MTMR3: variants seen among roughly 807,000 people sequenced by gnomAD.
The protein encoded by MTMR3 is phosphatidylinositol-3,5-bisphosphate 3-phosphatase MTMR3.
MTMR3 carries 32 observed loss-of-function variants against 132.4 expected under a neutral mutation model. That is an observed-to-expected ratio of 0.24 (90% CI 0.18 to 0.32). MTMR3 has a LOEUF of 0.32. MTMR3 is among the 10% of genes least tolerant of loss of function. MTMR3 has a pLI of 1.00. For synonymous variants in MTMR3, 556 were observed against 550.3 expected (o/e 1.01, Z -0.14); for missense variants, 1,216 against 1,489.6 (o/e 0.82, Z 3.02).
chr22:29,906,176 A>C (rs1202950757), intron 1 of MTMR3, among the ~76,000 whole-genome samples: 1 of 152,096 alleles, frequency 6.6e-6, no homozygotes, highest in Non-Finnish European at 1.5e-5. Context: ...TCATAGGAAA[A>C]ACTTTGGTGT....
At chr22:29,954,344 C>T (rs2066147164) in intron 1 of MTMR3, among the ~76,000 whole-genome samples, 1 of 151,978 alleles carries the variant, frequency 6.6e-6, no homozygotes, top group African/African-American at 2.4e-5. Context: ...CCCACTTCGG[C>T]CTCCCAGAGT....
Position 29,978,963 on chromosome 22 carries a change from A to G in MTMR3, c.121A>G (p.Ser41Gly). The change falls in exon 5 of 20, where the codon AGC (serine) becomes GGC (glycine). Residue 41 changes from serine to glycine, a missense_variant. Physicochemically the swap from Ser to Gly is moderately conservative, Grantham distance 56. Around this residue, in one of 7 missense-constraint regions of MTMR3, gnomAD observed 81 missense variants for 87.7 expected, o/e 0.92. Transcript: ENST00000401950. ...QVPFLELHGE[S>G]TEFVGRAEDA... The stretch of plus-strand genomic sequence containing the variant: ...TCCTTTCCTTGAACTTCATGGAGAG[A>G]GCACAGAGTTTGTGGGCCGTGCCGA... The G allele has an allele frequency of 6.2e-7, 1 of 1,613,610 alleles. No individual in the cohort carries two copies. The highest frequency in any genetic ancestry group is 8.5e-7 in the Non-Finnish European group (1 of 1,179,830).
At chr22:29,977,492 T>A (rs937931614) in intron 3 of MTMR3, among the ~76,000 whole-genome samples, 13 of 152,366 alleles carry the variant, frequency 8.5e-5, no homozygotes, top group African/African-American at 3.1e-4. Flanking sequence ...GAAATCTATT[T>A]TGTAATATAA....
chr22:29,951,334 C>T (rs2066075887), intron 1 of MTMR3, among the ~76,000 whole-genome samples: 1 of 152,086 alleles, frequency 6.6e-6, no homozygotes, highest in African/African-American at 2.4e-5. Flanking sequence ...TATTCCCCTA[C>T]CCCCTATCTC....
At chr22:29,952,400 G>A (rs1489377415) in intron 1 of MTMR3, among the ~76,000 whole-genome samples, 2 of 121,112 alleles carry the variant, frequency 1.7e-5, no homozygotes, top group Admixed American at 1.6e-4. Context: ...AGCTTCTGGT[G>A]TGTGTGTGTG....
In MTMR3 at chr22:30,019,435, A is replaced by G. The variant is rs760769596; in HGVS notation, c.1821-45A>G. 3.9e-6 allele frequency: 6 copies of G among 1,544,134 alleles called. No homozygotes were observed. The South Asian group carries it at 4.7e-5, about 12-fold the overall frequency. ...AACCTATTGTCTCCTACTTCCTCCA[A>G]ACAGTTTCCAAGATTTTCATTTCCC... On this transcript the variant is annotated intron_variant, in intron 16 of 19. Transcript: ENST00000401950.
At position 30,025,911 on chromosome 22, in the gene MTMR3, C is replaced by G; in HGVS notation, c.*110C>G. 1 of 1,149,984 alleles carries G rather than the reference C, an allele frequency of 8.7e-7. No homozygotes were observed. Among genetic ancestry groups the G allele is most frequent in the Non-Finnish European group, 1.3e-6 (1 of 787,432 alleles). The allele number at this position is 1,149,984 out of a possible 1,614,324, so 71.2% of individuals were successfully genotyped here. Reference sequence around the variant, plus strand: ...ACTTTGGAATGGGAGCGTGGAACCACCTGTACAGAGTGACAGATTTGGGAT... The same window carrying G: ...ACTTTGGAATGGGAGCGTGGAACCAGCTGTACAGAGTGACAGATTTGGGAT... On this transcript the variant is annotated 3_prime_UTR_variant, in exon 20 of 20. Transcript: ENST00000401950.
intron 1 of MTMR3, among the ~76,000 whole-genome samples, chr22:29,922,995 C>T (rs2145773653): frequency 6.6e-6 from 1 of 151,256 alleles, no homozygotes; most frequent in Admixed American, 6.6e-5. Context: ...CCACCTTAGC[C>T]TCCAGAGTGG....
intron 16 of MTMR3, chr22:30,019,050 CAAA>C (rs1190694084): frequency 1.3e-5 from 2 of 156,442 alleles, no homozygotes; most frequent in African/African-American, 4.9e-5. Context: ...ACTAAAAATA[CAAA>C]AAAACTAGCC....
chr22:29,966,309 G>A (rs546266646), intron 2 of MTMR3, among the ~76,000 whole-genome samples: 1 of 152,224 alleles, frequency 6.6e-6, no homozygotes, highest in South Asian at 2.1e-4. Flanking sequence ...TTAGTATGTG[G>A]TCAGATTTCC....
At chr22:29,916,835 A>C (rs995165251) in intron 1 of MTMR3, among the ~76,000 whole-genome samples, 5 of 152,154 alleles carry the variant, frequency 3.3e-5, no homozygotes, top group African/African-American at 1.2e-4. Context: ...TAAATAAATA[A>C]ATGTTTAGCC....
chr22:30,009,232 A>G (rs780794613), intron 12 of MTMR3, 103 bp downstream of exon 12: 4 of 800,320 alleles, frequency 5.0e-6, no homozygotes, highest in Admixed American at 4.7e-5. Context: ...ATTAATTTGG[A>G]GCAGTCTTTC....
intron 12 of MTMR3, chr22:30,011,375 G>A (rs41159): frequency 0.65 from 98,231 of 151,718 alleles, 32,693 homozygotes; most frequent in African/African-American, 0.79. Context: ...CTGATACTCC[G>A]AAAGTGAGAT....
chr22:29,884,922 G>A (rs183055173), intron 1 of MTMR3, among the ~76,000 whole-genome samples: 26 of 152,210 alleles, frequency 1.7e-4, no homozygotes, highest in African/African-American at 5.8e-4. Context: ...TAAATTTGGA[G>A]GATTCTAGAA....
intron 12 of MTMR3, chr22:30,011,945 CTTTTTTTTTT>C (rs1014085867): frequency 9.2e-5 from 14 of 151,594 alleles, no homozygotes; most frequent in South Asian, 4.0e-4. Context: ...CTTTTCTTTT[CTTTTTTTTTT>C]GAGAACTTGT....
intron 19 of MTMR3, chr22:30,023,874 T>G (rs1391698048): frequency 2.7e-5 from 1 of 36,820 alleles, no homozygotes; most frequent in Admixed American, 4.0e-4. Flanking sequence ...CTTTTTTCCC[T>G]TTTTTTTTTT....
At position 30,022,893 on chromosome 22, in the gene MTMR3, T is replaced by A. The variant is rs565299164; in HGVS notation, c.3425+196T>A. 2.1e-5 allele frequency: 12 copies of A among 580,120 alleles called. No homozygotes were observed. In the South Asian group the frequency reaches 2.5e-4, roughly 12 times the overall value. 35.9% of individuals were successfully genotyped at this position (580,120 alleles called of 1,614,324 possible). The stretch of plus-strand genomic sequence containing the variant: ...CTTTGTTCAAATTCAGAGTAATCAC[T>A]GTTAAATTCTGAAATGTGCAAATGG... On this transcript the variant is annotated intron_variant, in intron 19 of 19. Coordinates refer to ENST00000401950, the MANE Select transcript of MTMR3 (RefSeq NM_021090.4).
chr22:29,954,683 A>G (rs1271401284), intron 1 of MTMR3, among the ~76,000 whole-genome samples: 1 of 152,196 alleles, frequency 6.6e-6, no homozygotes, highest in African/African-American at 2.4e-5. Flanking sequence ...TGATTTTTAG[A>G]ACATGTCAGA....
intron 1 of MTMR3, among the ~76,000 whole-genome samples, chr22:29,932,581 T>G (rs577556403): frequency 6.6e-6 from 1 of 152,322 alleles, no homozygotes; most frequent in East Asian, 1.9e-4. Context: ...GCATTCCTCA[T>G]GGTCAGAGTA....
Sources: gnomAD v4.1 joint callset for allele counts (sites outside exome capture counted in the v4.1 genomes callset) on GRCh38, gnomAD v4.1.1 for gene constraint, gnomAD v4.1.1 regional missense constraint, MANE v1.5 for transcripts, NCBI Gene and HGNC (gene_info 2026-07-23, HGNC 2026-07-21) for gene names.